Variants in GRIK2 observed in about 807,000 individuals in gnomAD.
GRIK2 encodes the protein glutamate ionotropic receptor kainate type subunit 2.
In GRIK2, 32 loss-of-function variants were observed where a neutral mutation model predicts 100.3. The ratio of observed to expected loss-of-function variants is 0.32; its 90% CI spans 0.24 to 0.43. The LOEUF is 0.43. Among genes scored for constraint, GRIK2 ranks in the 20% least tolerant of loss-of-function variants. GRIK2 has a pLI of 1.00. For missense variants in GRIK2, 843 were observed against 1,114.9 expected (o/e 0.76, Z 3.47); for synonymous variants, 417 against 389.4 (o/e 1.07, Z -0.83).
chr6:101,662,908 A>G (rs1769734812), intron 4 of GRIK2, among the ~76,000 whole-genome samples: 1 of 152,142 alleles, frequency 6.6e-6, no homozygotes, highest in Non-Finnish European at 1.5e-5. Flanking sequence ...GCTGTCATGT[A>G]TTCCTGATAC....
intron 2 of GRIK2, among the ~76,000 whole-genome samples, chr6:101,594,679 G>C (rs933100322): frequency 6.6e-6 from 1 of 151,704 alleles, no homozygotes; most frequent in Non-Finnish European, 1.5e-5. Context: ...GCTCTTGGTA[G>C]CTTCTAAGTA....
At chr6:101,754,573 T>C (rs1206635587) in intron 7 of GRIK2, among the ~76,000 whole-genome samples, 1 of 152,168 alleles carries the variant, frequency 6.6e-6, no homozygotes, top group Non-Finnish European at 1.5e-5. Context: ...ATAATCCTTT[T>C]CCCCACAGAA....
intron 2 of GRIK2, among the ~76,000 whole-genome samples, chr6:101,525,593 C>A (rs1056443477): frequency 6.6e-6 from 1 of 152,152 alleles, no homozygotes; most frequent in South Asian, 2.1e-4. Context: ...TTAAAGGACC[C>A]ATTCTTGAAT....
intron 14 of GRIK2, among the ~76,000 whole-genome samples, chr6:101,931,787 G>C (rs1790303156): frequency 6.6e-6 from 1 of 152,078 alleles, no homozygotes; most frequent in South Asian, 2.1e-4. Flanking sequence ...GTAAGCAATA[G>C]AAAACTGCAT....
chr6:101,931,869 A>G (rs1181379846), intron 14 of GRIK2, among the ~76,000 whole-genome samples: 1 of 152,092 alleles, frequency 6.6e-6, no homozygotes, highest in East Asian at 1.9e-4. Context: ...TTATTAAGAA[A>G]CATTAAAGGA....
intron 2 of GRIK2, among the ~76,000 whole-genome samples, chr6:101,532,497 A>G (rs1188281486): frequency 6.7e-6 from 1 of 149,880 alleles, no homozygotes; most frequent in African/African-American, 2.4e-5. Context: ...TATAATAAAT[A>G]TTTATCACCT....
intron 10 of GRIK2, among the ~76,000 whole-genome samples, chr6:101,830,978 AAG>A (rs1417713533): frequency 3.3e-5 from 5 of 151,970 alleles, no homozygotes; most frequent in African/African-American, 1.2e-4. Flanking sequence ...GAGGGAGAAA[AAG>A]AGAAAGAAAG....
At chr6:101,965,832 T>C (rs1395377783) in intron 14 of GRIK2, among the ~76,000 whole-genome samples, 1 of 152,020 alleles carries the variant, frequency 6.6e-6, no homozygotes, top group Non-Finnish European at 1.5e-5. Flanking sequence ...TAATAACTAA[T>C]TGGAGAAAAA....
chr6:101,681,869 G>A (rs1016241052), intron 5 of GRIK2, among the ~76,000 whole-genome samples: 1 of 152,052 alleles, frequency 6.6e-6, no homozygotes, highest in Admixed American at 6.6e-5. Flanking sequence ...TATTTCAAAA[G>A]CATTCTCTTA....
chr6:101,885,293 T>C (rs993949624), intron 11 of GRIK2, among the ~76,000 whole-genome samples: 5 of 152,112 alleles, frequency 3.3e-5, no homozygotes, highest in Non-Finnish European at 7.4e-5. Flanking sequence ...ATGTGTCTTA[T>C]AGAATTCGAA....
chr6:101,701,636 AC>A (rs1459215687), intron 7 of GRIK2, among the ~76,000 whole-genome samples: 1 of 152,122 alleles, frequency 6.6e-6, no homozygotes, highest in Non-Finnish European at 1.5e-5. Flanking sequence ...AATTTAACTG[AC>A]AAAAATTATG....
chr6:101,588,423 A>G (rs1381374410), intron 2 of GRIK2, among the ~76,000 whole-genome samples: 4 of 151,604 alleles, frequency 2.6e-5, no homozygotes, highest in East Asian at 3.9e-4. Flanking sequence ...AAATGTAGAA[A>G]GGTTATCAAG....
At chr6:101,752,526 T>C (rs564338589) in intron 7 of GRIK2, among the ~76,000 whole-genome samples, 49 of 152,370 alleles carry the variant, frequency 3.2e-4, no homozygotes, top group Non-Finnish European at 5.6e-4. Flanking sequence ...CATTTCATTT[T>C]AAATTATAAA....
intron 2 of GRIK2, among the ~76,000 whole-genome samples, chr6:101,584,060 T>C (rs1778230650): frequency 6.6e-6 from 1 of 152,062 alleles, no homozygotes; most frequent in Non-Finnish European, 1.5e-5. Flanking sequence ...CAAAGGTAAA[T>C]GGATCTTGTT....
At chr6:101,847,306 G>A (rs1304324992) in intron 10 of GRIK2, among the ~76,000 whole-genome samples, 1 of 152,086 alleles carries the variant, frequency 6.6e-6, no homozygotes, top group South Asian at 2.1e-4. Flanking sequence ...CTGTCAATGG[G>A]CTGTACTTTC....
intron 10 of GRIK2, among the ~76,000 whole-genome samples, chr6:101,827,115 A>G (rs1782384859): frequency 6.6e-6 from 1 of 151,928 alleles, no homozygotes; most frequent in Non-Finnish European, 1.5e-5. Context: ...ATGGCCAACA[A>G]GACTTAGATT....
At chr6:101,684,390 T>A (rs980603640) in intron 6 of GRIK2, among the ~76,000 whole-genome samples, 4 of 152,188 alleles carry the variant, frequency 2.6e-5, no homozygotes, top group Non-Finnish European at 2.9e-5. Flanking sequence ...CTTTCCCATT[T>A]CCTTTTGCTA....
intron 1 of GRIK2, among the ~76,000 whole-genome samples, 150 bp downstream of exon 1, chr6:101,393,987 G>T (rs1314303638): frequency 6.6e-6 from 1 of 152,248 alleles, no homozygotes; most frequent in African/African-American, 2.4e-5. Context: ...ACGTCCGTGC[G>T]CTCGGGGCGC....
chr6:101,704,980 T>C (rs1773155534), intron 7 of GRIK2, among the ~76,000 whole-genome samples: 2 of 147,010 alleles, frequency 1.4e-5, no homozygotes, highest in South Asian at 2.1e-4. Flanking sequence ...ATATTTATAT[T>C]ATATATTTAT....
Sources: allele counts gnomAD v4.1 joint callset (sites outside exome capture counted in the v4.1 genomes callset), GRCh38; gene constraint gnomAD v4.1.1; transcripts MANE v1.5; gene names NCBI Gene and HGNC (gene_info 2026-07-23, HGNC 2026-07-21).